TOPBP1: variants seen among roughly 807,000 people sequenced by gnomAD.
The protein encoded by TOPBP1 is DNA topoisomerase 2-binding protein 1.
TOPBP1 carries 28 observed loss-of-function variants against 167.7 expected under a neutral mutation model. That is an observed-to-expected ratio of 0.17 (90% CI 0.12 to 0.23). The LOEUF is 0.23. Among genes scored for constraint, TOPBP1 ranks in the 10% least tolerant of loss-of-function variants. TOPBP1 has a pLI of 1.00. For missense variants in TOPBP1, 1,554 were observed against 1,809.6 expected, an observed-to-expected ratio of 0.86 and a Z score of 2.56; for synonymous variants, 598 against 611.4, an observed-to-expected ratio of 0.98 and a Z score of 0.32.
chr3:133,632,167 G>A (rs564641947), intron 14 of TOPBP1, among the ~76,000 whole-genome samples: 1 of 151,952 alleles, frequency 6.6e-6, no homozygotes, highest in Admixed American at 6.6e-5. Context: ...CATTTTGGGA[G>A]GCTGAGGTGG....
intron 14 of TOPBP1, among the ~76,000 whole-genome samples, chr3:133,631,957 G>C (rs1405650352): frequency 6.6e-6 from 1 of 151,788 alleles, no homozygotes; most frequent in Non-Finnish European, 1.5e-5. Context: ...TTGTTTAAAA[G>C]TGTGTGGCAT....
At chr3:133,620,576 CTT>C (rs532343890) in intron 19 of TOPBP1, among the ~76,000 whole-genome samples, 58 of 134,934 alleles carry the variant, frequency 4.3e-4, no homozygotes, top group Admixed American at 5.3e-4. Context: ...CCTTCAAATA[CTT>C]TTTTTTTTTT....
At chr3:133,641,340 T>C (rs1257336911) in intron 12 of TOPBP1, among the ~76,000 whole-genome samples, 1 of 152,214 alleles carries the variant, frequency 6.6e-6, no homozygotes, top group Non-Finnish European at 1.5e-5. Flanking sequence ...CACACTGTTA[T>C]TTAGTGAAGT....
At chr3:133,648,657 G>A (rs1262612402) in intron 10 of TOPBP1, among the ~76,000 whole-genome samples, 1 of 152,036 alleles carries the variant, frequency 6.6e-6, no homozygotes, top group African/African-American at 2.4e-5. Flanking sequence ...ATTAGCCAGG[G>A]GTGGTGGCGC....
At chr3:133,611,187 C>A in intron 24 of TOPBP1, 46 bp from the exon 25 acceptor site, 2 of 1,582,784 alleles carry the variant, frequency 1.3e-6, no homozygotes, top group South Asian at 1.2e-5. Context: ...GTCTGGGGAG[C>A]CACTGTGCAA....
intron 8 of TOPBP1, 26 bp downstream of exon 8, chr3:133,652,437 G>A: frequency 6.2e-7 from 1 of 1,608,426 alleles, no homozygotes; most frequent in African/African-American, 1.3e-5. Flanking sequence ...ATCATCTACT[G>A]CATGTATTAT....
chr3:133,643,875 A>G lies in TOPBP1; in HGVS notation c.1848+145T>C, dbSNP rs567281494. On this transcript the variant is annotated intron_variant, in intron 11 of 27. Transcript: ENST00000260810. ...CAAGAAGCTTGCACATTTAATTTTG[A>G]ATTTCCCTTGCTAAAAGCAAAATCA... 1.4e-5 allele frequency: 11 copies of G among 807,718 alleles called. No individual in the cohort carries two copies. In the East Asian group the frequency reaches 3.1e-4, roughly 22 times the overall value. 50.0% of individuals were successfully genotyped at this position (807,718 alleles called of 1,614,324 possible).
At chr3:133,658,013 A>G (rs112200477) in intron 3 of TOPBP1, 72 bp from the exon 4 acceptor site, 2 of 1,268,002 alleles carry the variant, frequency 1.6e-6, no homozygotes, top group Non-Finnish European at 2.1e-6. Flanking sequence ...TACATTTTGT[A>G]ACATTCACCA....
At chr3:133,605,370 C>A (rs1481604774) in intron 27 of TOPBP1, among the ~76,000 whole-genome samples, 1 of 148,804 alleles carries the variant, frequency 6.7e-6, no homozygotes. Flanking sequence ...GAATTACATA[C>A]CAATATCCCA....
intron 8 of TOPBP1, among the ~76,000 whole-genome samples, chr3:133,651,587 G>A (rs1417116733): frequency 6.6e-6 from 1 of 152,188 alleles, no homozygotes; most frequent in Non-Finnish European, 1.5e-5. Flanking sequence ...AATACATTAA[G>A]TATTCCAATC....
rs745922847 is a variant in TOPBP1, at chr3:133,638,090, C to T, written c.2306G>A (p.Arg769His). 2.2e-5 allele frequency: 35 copies of T among 1,613,818 alleles called. No homozygotes were observed. The South Asian group carries it at 2.7e-4, about 13-fold the overall frequency. ...NSDTAEHPGT[R>H]LQTHRKTVVT... ...GACGGTTTTTCTGTGAGTTTGCAGG[C>T]GTGTGCCAGGATGCTCTGCAGTATC... The change falls in exon 14 of 28, where the codon CGC (arginine) becomes CAC (histidine). Residue 769 changes from arginine to histidine, a missense_variant. By Grantham distance (29) the Arg-to-His change is conservative (BLOSUM62 0). Around this residue, in one of 3 missense-constraint regions of TOPBP1, gnomAD observed 1,197 missense variants for 1,351.5 expected, o/e 0.89. Coordinates refer to ENST00000260810, the MANE Select transcript of TOPBP1 (RefSeq NM_007027.4).
In TOPBP1 at chr3:133,653,631, T is replaced by A. The variant is rs543815347; in HGVS notation, c.743-107A>T. On this transcript the variant is annotated intron_variant, in intron 6 of 27. Coordinates refer to ENST00000260810, the MANE Select transcript of TOPBP1 (RefSeq NM_007027.4). ...TATTCAAATTATAACAGGTTAATAT[T>A]TTTTTTTTTTTTTTGAGATGGAGTC... is the stretch of plus-strand genomic sequence containing the variant. 391 of 647,534 alleles carry A rather than the reference T, an allele frequency of 6.0e-4. 1 individual carries two copies. Among genetic ancestry groups the A allele is most frequent in the Middle Eastern group, 2.5e-3 (7 of 2,776 alleles). 40.1% of individuals were successfully genotyped at this position (647,534 alleles called of 1,614,324 possible).
chr3:133,640,396 G>T (rs867089349), intron 12 of TOPBP1, among the ~76,000 whole-genome samples: 23 of 152,100 alleles, frequency 1.5e-4, no homozygotes, highest in African/African-American at 5.6e-4. Context: ...AACATAATTA[G>T]ACATGCAAAG....
chr3:133,613,665 C>T (rs1329709978), intron 23 of TOPBP1, among the ~76,000 whole-genome samples: 5 of 151,982 alleles, frequency 3.3e-5, no homozygotes, highest in African/African-American at 1.2e-4. Context: ...TGCATGAAGC[C>T]TGACTTTGAG....
At position 133,623,107 on chromosome 3, in the gene TOPBP1, C is replaced by T. The variant is rs1368001414; in HGVS notation, c.3162G>A (p.Lys1054=). 1 of 1,606,552 alleles carries T rather than the reference C, an allele frequency of 6.2e-7. No individual in the cohort carries two copies. ...KESAPSNGSG[K]NDSKGVLTQT... ...ATATTTTACCTCCTTTAGAGTCATT[C>T]TTTCCACTTCCATTTGATGGTGCTG... Residue 1054 remains lysine (K), a synonymous_variant, in exon 19 of 28, where the codon AAG becomes AAA. Coordinates refer to ENST00000260810, the MANE Select transcript of TOPBP1 (RefSeq NM_007027.4).
intron 10 of TOPBP1, among the ~76,000 whole-genome samples, chr3:133,646,687 C>T (rs1936088436): frequency 6.6e-6 from 1 of 150,818 alleles, no homozygotes; most frequent in African/African-American, 2.4e-5. Context: ...AGTTATACCA[C>T]AGCATCCTGG....
chr3:133,615,162 G>C (rs374041870), intron 23 of TOPBP1, among the ~76,000 whole-genome samples: 13 of 151,434 alleles, frequency 8.6e-5, no homozygotes, highest in African/African-American at 3.2e-4. Context: ...TGATACTTCA[G>C]GGCCACTATT....
chr3:133,602,431 T>G (rs1447137501), intron 27 of TOPBP1, among the ~76,000 whole-genome samples: 1 of 152,212 alleles, frequency 6.6e-6, no homozygotes, highest in Non-Finnish European at 1.5e-5. Flanking sequence ...AGATGGAAAC[T>G]CAGATCTTCA....
intron 23 of TOPBP1, among the ~76,000 whole-genome samples, chr3:133,613,777 T>C (rs1410217021): frequency 6.7e-6 from 1 of 149,116 alleles, no homozygotes; most frequent in Non-Finnish European, 1.5e-5. Flanking sequence ...GTTAGTTATA[T>C]CAAGGACTTT....
Sources: allele counts gnomAD v4.1 joint callset (sites outside exome capture counted in the v4.1 genomes callset), GRCh38; gene constraint gnomAD v4.1.1; regional missense constraint gnomAD v4.1.1; transcripts MANE v1.5; gene names NCBI Gene and HGNC (gene_info 2026-07-23, HGNC 2026-07-21).